ASIC2: variants seen among roughly 807,000 people sequenced by gnomAD.
ASIC2 encodes acid sensing ion channel subunit 2.
ASIC2 carries 25 observed loss-of-function variants against 57.3 expected under a neutral mutation model. That is an observed-to-expected ratio of 0.44 (90% CI 0.32 to 0.61). The LOEUF is 0.61. ASIC2 is among the 20% of genes least tolerant of loss of function. The pLI, the probability that ASIC2 is intolerant of heterozygous loss-of-function variation, is 0.06. For missense variants in ASIC2, 641 were observed against 738.1 expected (o/e 0.87, Z 1.52); for synonymous variants, 319 against 307.5 (o/e 1.04, Z -0.39).
intron 1 of ASIC2, among the ~76,000 whole-genome samples, chr17:33,511,773 TA>T (rs1200314521): frequency 6.6e-6 from 1 of 152,224 alleles, no homozygotes; most frequent in African/African-American, 2.4e-5. Flanking sequence ...AGCCTGTATT[TA>T]AAACCTTTTC....
intron 1 of ASIC2, among the ~76,000 whole-genome samples, chr17:33,506,813 C>T (rs1181441153): frequency 6.6e-6 from 1 of 152,192 alleles, no homozygotes; most frequent in Admixed American, 6.5e-5. Context: ...AAAAACACCT[C>T]ACCCTGTGCC....
intron 1 of ASIC2, among the ~76,000 whole-genome samples, chr17:33,944,959 G>A (rs1386000723): frequency 9.2e-5 from 14 of 152,152 alleles, no homozygotes; most frequent in Non-Finnish European, 2.9e-5. Context: ...AATAGAAAAA[G>A]AGCCTTGTCC....
At chr17:34,100,099 C>T (rs1910805684) in intron 1 of ASIC2, among the ~76,000 whole-genome samples, 1 of 152,020 alleles carries the variant, frequency 6.6e-6, no homozygotes, top group Non-Finnish European at 1.5e-5. Flanking sequence ...TGCAGACCAC[C>T]AAAGAGCAGG....
chr17:33,477,492 T>G (rs1913268208), intron 1 of ASIC2, among the ~76,000 whole-genome samples: 1 of 152,246 alleles, frequency 6.6e-6, no homozygotes, highest in Non-Finnish European at 1.5e-5. Context: ...AATGAAGGCA[T>G]AGCATTAAGA....
At chr17:33,897,382 C>T (rs904669343) in intron 1 of ASIC2, among the ~76,000 whole-genome samples, 2 of 152,222 alleles carry the variant, frequency 1.3e-5, no homozygotes, top group African/African-American at 4.8e-5. Context: ...GCATCCCACC[C>T]CATTGCACTT....
intron 1 of ASIC2, among the ~76,000 whole-genome samples, chr17:34,119,173 A>G (rs1013239255): frequency 3.3e-5 from 5 of 152,180 alleles, no homozygotes; most frequent in African/African-American, 1.2e-4. Flanking sequence ...GAAAGAGAGA[A>G]AAGTAATAAA....
At chr17:34,011,513 T>C (rs1906758826) in intron 1 of ASIC2, among the ~76,000 whole-genome samples, 1 of 152,080 alleles carries the variant, frequency 6.6e-6, no homozygotes, top group Non-Finnish European at 1.5e-5. Context: ...ACCCACAATG[T>C]GTTTGAATTC....
chr17:33,107,685 C>T (rs112935506), intron 2 of ASIC2, among the ~76,000 whole-genome samples: 1,888 of 152,328 alleles, frequency 0.012, 35 homozygotes, highest in African/African-American at 0.043. Flanking sequence ...ACCATGAGCC[C>T]ATAGGGCTGG....
intron 1 of ASIC2, among the ~76,000 whole-genome samples, chr17:33,890,770 C>G (rs1914942478): frequency 6.6e-6 from 1 of 152,200 alleles, no homozygotes; most frequent in South Asian, 2.1e-4. Context: ...TCTGCAGGGG[C>G]TTTGTGAGGC....
intron 1 of ASIC2, among the ~76,000 whole-genome samples, chr17:33,970,907 C>T (rs1014535489): frequency 1.3e-5 from 2 of 152,138 alleles, no homozygotes; most frequent in African/African-American, 4.8e-5. Context: ...CTGAGTCACT[C>T]GTGCTGACAG....
intron 1 of ASIC2, among the ~76,000 whole-genome samples, chr17:33,155,033 G>C (rs893372549): frequency 5.3e-5 from 8 of 152,288 alleles, no homozygotes; most frequent in African/African-American, 1.9e-4. Context: ...TGGCGGCGGC[G>C]GCAGCGTCTT....
chr17:33,692,645 G>T (rs116727565), intron 1 of ASIC2, among the ~76,000 whole-genome samples: 6,025 of 152,302 alleles, frequency 0.04, 132 homozygotes, highest in Non-Finnish European at 0.057. Flanking sequence ...TGCAGGACCA[G>T]AAGTTGCTCT....
rs142375915 is a variant in ASIC2 at position 33,683,626 on chromosome 17, T to C, written c.555+472352A>G. On this transcript the variant is annotated intron_variant, in intron 1 of 9. Transcript: ENST00000359872. The stretch of plus-strand genomic sequence containing the variant: ...GCATAATCATAGCACACTGTAACCT[T>C]GAACTCTTAGGCTCAAATGATCCTC... 3.2e-3 allele frequency among the ~76,000 whole-genome samples: 486 copies of C among 152,250 alleles called. 7 individuals carry two copies. Among genetic ancestry groups the C allele is most frequent in the African/African-American group, 0.011 (463 of 41,548 alleles).
intron 1 of ASIC2, among the ~76,000 whole-genome samples, chr17:33,127,445 T>C (rs1199444519): frequency 2.0e-5 from 3 of 152,182 alleles, no homozygotes; most frequent in Non-Finnish European, 2.9e-5. Flanking sequence ...AACCAGCATG[T>C]GAAACCTCTT....
intron 1 of ASIC2, among the ~76,000 whole-genome samples, chr17:33,472,256 G>T (rs1002165527): frequency 3.9e-5 from 6 of 152,068 alleles, no homozygotes; most frequent in Admixed American, 6.5e-5. Context: ...CTGACCCCAG[G>T]TGATCCACCC....
intron 1 of ASIC2, among the ~76,000 whole-genome samples, chr17:33,370,822 G>A (rs754419244): frequency 2.6e-5 from 4 of 152,304 alleles, no homozygotes; most frequent in Non-Finnish European, 4.4e-5. Context: ...ACGTGTTACC[G>A]GAAAGGGGTC....
At chr17:33,049,119 A>C (rs1188178331) in intron 3 of ASIC2, among the ~76,000 whole-genome samples, 1 of 152,204 alleles carries the variant, frequency 6.6e-6, no homozygotes, top group Non-Finnish European at 1.5e-5. Flanking sequence ...TCTAATTCTC[A>C]GCTGTCCCTT....
chr17:33,658,095 A>G (rs1021944525), intron 1 of ASIC2, among the ~76,000 whole-genome samples: 1 of 152,214 alleles, frequency 6.6e-6, no homozygotes, highest in Non-Finnish European at 1.5e-5. Flanking sequence ...TGAGCCTGCT[A>G]TTCCATCTCA....
intron 1 of ASIC2, among the ~76,000 whole-genome samples, chr17:33,527,498 G>C (rs58640596): frequency 0.069 from 10,553 of 152,234 alleles, 582 homozygotes; most frequent in East Asian, 0.29. Flanking sequence ...GGTGGCAGAG[G>C]AGAGTGCTCC....
Sources: allele counts gnomAD v4.1 joint callset (sites outside exome capture counted in the v4.1 genomes callset), GRCh38; gene constraint gnomAD v4.1.1; transcripts MANE v1.5; gene names NCBI Gene and HGNC (gene_info 2026-07-23, HGNC 2026-07-21).